The following NRG1 variants were observed in gnomAD, a reference collection of about 807,000 sequenced individuals.
NRG1 encodes pro-neuregulin-1, membrane-bound isoform.
NRG1 carries 18 observed loss-of-function variants against 63.8 expected under a neutral mutation model. The ratio of observed to expected loss-of-function variants is 0.28; its 90% CI spans 0.19 to 0.42. The LOEUF (loss-of-function observed/expected upper bound fraction) is 0.42. Ranked by LOEUF, NRG1 falls within the 10% of genes least tolerant of loss-of-function variation. The pLI is 1.00. For missense variants in NRG1, 762 were observed against 814.7 expected (o/e 0.94, Z 0.79); for synonymous variants, 302 against 301.3 (o/e 1.00, Z -0.02).
chr8:31,868,320 C>A (rs1401201132), intron 1 of NRG1, among the ~76,000 whole-genome samples: 1 of 152,106 alleles, frequency 6.6e-6, no homozygotes, highest in African/African-American at 2.4e-5. Flanking sequence ...ATGAAGTCAA[C>A]AACTGAGGGA....
intron 1 of NRG1, among the ~76,000 whole-genome samples, chr8:32,122,281 G>T (rs778160156): frequency 6.6e-6 from 1 of 152,006 alleles, no homozygotes; most frequent in Admixed American, 6.6e-5. Flanking sequence ...CTGGTTCTCA[G>T]TAGGGGTGGG....
intron 1 of NRG1, among the ~76,000 whole-genome samples, chr8:31,839,116 G>A (rs1482575178): frequency 1.3e-5 from 2 of 152,018 alleles, no homozygotes; most frequent in Non-Finnish European, 1.5e-5. Context: ...ATAATTTGAG[G>A]TCTCCATAGG....
intron 1 of NRG1, among the ~76,000 whole-genome samples, chr8:31,995,617 G>T (rs193029533): frequency 3.3e-5 from 5 of 151,856 alleles, no homozygotes; most frequent in African/African-American, 1.2e-4. Flanking sequence ...ATGTCTGATC[G>T]TTGGGCGGGG....
intron 1 of NRG1, among the ~76,000 whole-genome samples, chr8:31,752,266 T>C (rs1816553198): frequency 6.6e-6 from 1 of 152,064 alleles, no homozygotes; most frequent in African/African-American, 2.4e-5. Context: ...AAGAGAATGC[T>C]TGGGATGCTC....
intron 2 of NRG1, among the ~76,000 whole-genome samples, chr8:32,599,445 T>C (rs1187796274): frequency 6.6e-6 from 1 of 152,178 alleles, no homozygotes; most frequent in Admixed American, 6.5e-5. Flanking sequence ...GTGGCACAAT[T>C]TCACAGCAAT....
chr8:32,458,228 C>T (rs535659553), intron 1 of NRG1, among the ~76,000 whole-genome samples: 1 of 152,110 alleles, frequency 6.6e-6, no homozygotes, highest in African/African-American at 2.4e-5. Context: ...ATGTAGAGCA[C>T]TTTAAAAGTA....
chr8:32,054,334 T>C (rs1822488500), intron 1 of NRG1, among the ~76,000 whole-genome samples: 2 of 152,192 alleles, frequency 1.3e-5, no homozygotes, highest in African/African-American at 4.8e-5. Flanking sequence ...ATCTTTATCT[T>C]TGTATCCCCA....
chr8:32,656,828 G>C (rs1801605057), intron 5 of NRG1, among the ~76,000 whole-genome samples: 1 of 148,952 alleles, frequency 6.7e-6, no homozygotes, highest in South Asian at 2.1e-4. Flanking sequence ...ATAAAACTTG[G>C]TGAAATAAAA....
At chr8:32,489,770 T>C (rs1826331158) in intron 1 of NRG1, among the ~76,000 whole-genome samples, 1 of 152,234 alleles carries the variant, frequency 6.6e-6, no homozygotes. Context: ...CAGCCAAGTT[T>C]TGGCTCATCC....
In NRG1 at chr8:32,732,799, CTTTTTTT is replaced by C. The variant is rs1173388613; in HGVS notation, c.632+4738_632+4744del. On this transcript the variant is annotated intron_variant, in intron 6 of 11. Transcript: ENST00000356819. ...CAGACTGTGTTATCATGTTTAATTTCTTTTTTTTTTTTTTTTTTTTTTTGAGATGGAG... is the reference window on the plus strand; with the variant it reads ...CAGACTGTGTTATCATGTTTAATTTCTTTTTTTTTTTTTTTTGAGATGGAG... Among the ~76,000 whole-genome samples the C allele has an allele frequency of 2.0e-4, 17 of 83,360 alleles. 1 individual carries two copies. The highest frequency in any genetic ancestry group is 1.6e-3 in the South Asian group (3 of 1,878). The allele number at this position is 83,360 out of a possible 152,430, so 54.7% of individuals were successfully genotyped here.
chr8:31,939,771 TATATC>T (rs148127713), intron 1 of NRG1, among the ~76,000 whole-genome samples: 7,366 of 152,250 alleles, frequency 0.048, 299 homozygotes, highest in Admixed American at 0.13. Flanking sequence ...TAGCTATTCT[TATATC>T]AGAATAAACA....
intron 1 of NRG1, among the ~76,000 whole-genome samples, chr8:32,474,686 A>G (rs958644997): frequency 1.3e-5 from 2 of 150,980 alleles, no homozygotes; most frequent in African/African-American, 4.9e-5. Context: ...TGTTTTTTTT[A>G]GTAGAGGTGG....
At chr8:32,584,295 G>A (rs146801404) in intron 1 of NRG1, among the ~76,000 whole-genome samples, 1 of 152,226 alleles carries the variant, frequency 6.6e-6, no homozygotes, top group African/African-American at 2.4e-5. Flanking sequence ...TCATGTCACT[G>A]GGAACCCTAA....
intron 1 of NRG1, among the ~76,000 whole-genome samples, chr8:32,048,250 A>G (rs1462469128): frequency 6.6e-6 from 1 of 150,680 alleles, no homozygotes; most frequent in Non-Finnish European, 1.5e-5. Context: ...TGAAATACTT[A>G]TTTCATATAT....
chr8:31,752,826 A>G (rs1816619304), intron 1 of NRG1, among the ~76,000 whole-genome samples: 2 of 152,172 alleles, frequency 1.3e-5, no homozygotes, highest in East Asian at 3.9e-4. Flanking sequence ...GATTCTTATG[A>G]GGATAAATGA....
intron 5 of NRG1, among the ~76,000 whole-genome samples, chr8:32,690,981 TA>T (rs1342107036): frequency 1.9e-5 from 2 of 105,938 alleles, no homozygotes; most frequent in Admixed American, 2.0e-4. Flanking sequence ...GTGTGTGTGT[TA>T]GCCATTTATT....
intron 1 of NRG1, among the ~76,000 whole-genome samples, chr8:32,273,770 A>T (rs187774147): frequency 1.2e-4 from 18 of 152,294 alleles, no homozygotes; most frequent in Admixed American, 1.1e-3. Flanking sequence ...TTTGAAAGAA[A>T]CTTTAAAGGT....
intron 1 of NRG1, among the ~76,000 whole-genome samples, chr8:31,752,395 A>T (rs567777713): frequency 2.0e-5 from 3 of 152,026 alleles, no homozygotes; most frequent in Admixed American, 6.6e-5. Context: ...AGGGGATATG[A>T]CCTGCTTTAC....
chr8:32,416,800 A>G (rs1815980851), intron 1 of NRG1, among the ~76,000 whole-genome samples: 1 of 151,952 alleles, frequency 6.6e-6, no homozygotes, highest in Non-Finnish European at 1.5e-5. Flanking sequence ...CGATCCTCCT[A>G]CAACAGCCTC....
Sources: allele counts gnomAD v4.1 joint callset (sites outside exome capture counted in the v4.1 genomes callset), GRCh38; gene constraint gnomAD v4.1.1; transcripts MANE v1.5; gene names NCBI Gene and HGNC (gene_info 2026-07-23, HGNC 2026-07-21).